The following USP25 variants were observed in gnomAD, a reference collection of about 807,000 sequenced individuals.
USP25 encodes the protein ubiquitin carboxyl-terminal hydrolase 25.
Under a neutral mutation model 158.5 loss-of-function variants are expected in USP25, and 85 were observed. The ratio of observed to expected loss-of-function variants is 0.54; its 90% CI spans 0.45 to 0.64. The LOEUF (loss-of-function observed/expected upper bound fraction) is 0.64, where lower values mean the gene tolerates loss of function less well. USP25 is among the 30% of genes least tolerant of loss of function. The pLI is 0.00. For synonymous variants in USP25, 464 were observed against 460.4 expected, an observed-to-expected ratio of 1.01 and a Z score of -0.10; for missense variants, 1,242 against 1,327.3, an observed-to-expected ratio of 0.94 and a Z score of 1.00.
At chr21:15,807,529 G>C (rs1446030855) in intron 7 of USP25, among the ~76,000 whole-genome samples, 1 of 152,154 alleles carries the variant, frequency 6.6e-6, no homozygotes, top group Non-Finnish European at 1.5e-5. Context: ...CAGAGTAAAG[G>C]TGTTGGCAGG....
chr21:15,798,684 GAATA>G (rs1350306290), intron 5 of USP25, among the ~76,000 whole-genome samples: 1 of 151,194 alleles, frequency 6.6e-6, no homozygotes, highest in African/African-American at 2.4e-5. Flanking sequence ...TTATATTGTT[GAATA>G]AATCTTTCTA....
In USP25 at chr21:15,879,923, G is replaced by A. The variant is rs1400913722; in HGVS notation, c.*1448G>A. ...TTGCATATTGTATCTATCAAAATATGTTTGGGTTTAGATTTTAAGTTGTCT... is the reference window on the plus strand; with the variant it reads ...TTGCATATTGTATCTATCAAAATATATTTGGGTTTAGATTTTAAGTTGTCT... On this transcript the variant is annotated 3_prime_UTR_variant, in exon 26 of 26. Coordinates refer to ENST00000400183, the MANE Select transcript of USP25 (RefSeq NM_001283041.3). 4 of 152,192 alleles carry A rather than the reference G, an allele frequency of 2.6e-5. No homozygotes were observed. The highest frequency in any genetic ancestry group is 7.2e-5 in the African/African-American group (3 of 41,444). The allele number at this position is 152,192 out of a possible 1,614,324, so 9.4% of individuals were successfully genotyped here. A position where few individuals can be genotyped will look rare whatever the true frequency, so the allele number is the denominator to read the frequency against.
intron 4 of USP25, among the ~76,000 whole-genome samples, chr21:15,785,824 CAAAT>C (rs2035238151): frequency 6.7e-6 from 1 of 148,926 alleles, no homozygotes; most frequent in Admixed American, 6.7e-5. Context: ...CAGAAGTAAA[CAAAT>C]AGAGACTAAA....
In USP25 at chr21:15,878,422, C is replaced by T. The variant is rs1568924040; in HGVS notation, c.3325C>T (p.Arg1109Ter). Reference protein sequence around the residue: ...PSYSTHELCERFARIMLSLSR... With the variant: ...PSYSTHELCE The stretch of plus-strand genomic sequence containing the variant: ...ATATTCCACGCATGAACTCTGTGAG[C>T]GATTTGCCCGAATCATGTTGTCCCT... The change falls in exon 26 of 26, where the codon CGA becomes TGA. Residue 1109 changes from arginine (R) to a stop codon, truncating the protein, a stop_gained. Transcript: ENST00000400183. LOFTEE classifies it high-confidence loss of function. The T allele has an allele frequency of 2.5e-6, 4 of 1,614,010 alleles. No individual in the cohort carries two copies. Among genetic ancestry groups the T allele is most frequent in the Admixed American group, 1.7e-5 (1 of 60,010 alleles).
At chr21:15,798,498 A>G (rs779787426) in intron 5 of USP25, among the ~76,000 whole-genome samples, 1 of 151,070 alleles carries the variant, frequency 6.6e-6, no homozygotes, top group African/African-American at 2.4e-5. Context: ...ATCTTGGCCA[A>G]CTGTTAATGT....
At chr21:15,800,062 G>A (rs1188148095) in intron 6 of USP25, among the ~76,000 whole-genome samples, 1 of 150,948 alleles carries the variant, frequency 6.6e-6, no homozygotes, top group East Asian at 1.9e-4. Context: ...CCAATTTTTG[G>A]TGTCGCTTTA....
At chr21:15,788,527 CTGAT>C (rs758894271) in intron 4 of USP25, among the ~76,000 whole-genome samples, 4 of 152,100 alleles carry the variant, frequency 2.6e-5, no homozygotes, top group Non-Finnish European at 2.9e-5. Context: ...TTTTCAGACA[CTGAT>C]TGGAGACACT....
chr21:15,740,641 G>A lies in USP25; in HGVS notation c.45+10203G>A, dbSNP rs1212030164. On this transcript the variant is annotated intron_variant, in intron 1 of 25. Coordinates refer to ENST00000400183, the MANE Select transcript of USP25 (RefSeq NM_001283041.3). ...GTAATCTTCCTGTTTCTTTCTGGCT[G>A]TTTTTTTTTTTTTTTTTTTTTTTTT... Among the ~76,000 whole-genome samples, 4 of 41,304 alleles carry A rather than the reference G, an allele frequency of 9.7e-5. No homozygotes were observed. In the East Asian group the frequency reaches 5.6e-3, roughly 58 times the overall value. The allele number at this position is 41,304 out of a possible 152,430, so 27.1% of individuals were successfully genotyped here.
At chr21:15,733,368 AT>A (rs1368454460) in intron 1 of USP25, among the ~76,000 whole-genome samples, 1 of 152,212 alleles carries the variant, frequency 6.6e-6, no homozygotes, top group East Asian at 1.9e-4. Context: ...GATGAATGAA[AT>A]AAGTGACTGG....
intron 23 of USP25, among the ~76,000 whole-genome samples, 183 bp downstream of exon 23, chr21:15,870,330 C>T (rs1049940075): frequency 6.6e-6 from 1 of 152,104 alleles, no homozygotes; most frequent in Non-Finnish European, 1.5e-5. Flanking sequence ...CCATATACCC[C>T]ACATAAAATA....
At position 15,730,354 on chromosome 21, in the gene USP25, G is replaced by GGGCGCCACCGCC. The variant is rs1225922251; in HGVS notation, c.-38_-27dup. ...AGGGCCGGCGGAGGCGCGAGGAGCC[G>GGGCGCCACCGCC]GGCGCCACCGCCGCCGCCGCCGCCG... On this transcript the variant is annotated 5_prime_UTR_variant, in exon 1 of 26. Transcript: ENST00000400183. 8.6e-7 allele frequency: 1 copy of GGGCGCCACCGCC among 1,167,302 alleles called. No homozygotes were observed. The highest frequency in any genetic ancestry group is 1.1e-6 in the Non-Finnish European group (1 of 948,760). The allele number at this position is 1,167,302 out of a possible 1,614,324, so 72.3% of individuals were successfully genotyped here.
intron 22 of USP25, among the ~76,000 whole-genome samples, chr21:15,866,997 G>C (rs1336788140): frequency 6.6e-6 from 1 of 152,094 alleles, no homozygotes; most frequent in African/African-American, 2.4e-5. Flanking sequence ...TTTTGGGGAA[G>C]TTAATTCATT....
intron 5 of USP25, among the ~76,000 whole-genome samples, chr21:15,797,177 G>A (rs2035902255): frequency 6.6e-6 from 1 of 151,320 alleles, no homozygotes; most frequent in Admixed American, 6.6e-5. Context: ...TGTATTTGTA[G>A]TTCCAGAGGG....
chr21:15,818,179 G>T (rs575642828), intron 9 of USP25, among the ~76,000 whole-genome samples: 9 of 152,240 alleles, frequency 5.9e-5, no homozygotes, highest in African/African-American at 2.2e-4. Flanking sequence ...TGCCATGGAG[G>T]TCTTCCCTGC....
chr21:15,771,761 G>T (rs2034369070), intron 3 of USP25, among the ~76,000 whole-genome samples: 2 of 150,594 alleles, frequency 1.3e-5, no homozygotes, highest in South Asian at 2.1e-4. Context: ...GTTTTTGTAT[G>T]TAGACTTTTC....
chr21:15,816,912 A>G lies in USP25; in HGVS notation c.932-1786A>G, dbSNP rs746939696. On this transcript the variant is annotated intron_variant, in intron 9 of 25. Transcript: ENST00000400183. This position sits in a 1 kb window ranked among gnomAD's most constrained non-coding sequence, Gnocchi z 4.0. ...TTTGGGAGGCTGAGGCAGGTGGATC[A>G]CTTGAGGTCAGGAGTTCGAGACCAG... 1.3e-5 allele frequency among the ~76,000 whole-genome samples: 2 copies of G among 152,108 alleles called. No individual in the cohort carries two copies. Among genetic ancestry groups the G allele is most frequent in the Admixed American group, 6.5e-5 (1 of 15,272 alleles).
intron 7 of USP25, among the ~76,000 whole-genome samples, chr21:15,807,428 A>G (rs115129399): frequency 0.011 from 1,616 of 152,332 alleles, 26 homozygotes; most frequent in African/African-American, 0.034. Context: ...AGGTGTTACA[A>G]TAGTTCCTAA....
At chr21:15,735,471 C>G (rs2031397538) in intron 1 of USP25, among the ~76,000 whole-genome samples, 1 of 152,136 alleles carries the variant, frequency 6.6e-6, no homozygotes, top group African/African-American at 2.4e-5. Flanking sequence ...AAGTTACATG[C>G]AAGTATTATA....
Position 15,878,406 on chromosome 21 carries a change from G to A in USP25, c.3309G>A (p.Thr1103=), listed in dbSNP as rs151062503. The stretch of plus-strand genomic sequence containing the variant: ...CACCGAAGTTACCTTCATATTCCAC[G>A]CATGAACTCTGTGAGCGATTTGCCC... The part of the protein sequence containing the change: ...HEPPKLPSYS[T]HELCERFARI... Residue 1103 remains threonine (T), a synonymous_variant, in exon 26 of 26, where the codon ACG becomes ACA. Coordinates refer to ENST00000400183, the MANE Select transcript of USP25 (RefSeq NM_001283041.3). 1.2e-5 allele frequency: 19 copies of A among 1,613,942 alleles called. No homozygotes were observed. The highest frequency in any genetic ancestry group is 1.7e-5 in the Admixed American group (1 of 60,000).
Sources: gnomAD v4.1 joint callset for allele counts (sites outside exome capture counted in the v4.1 genomes callset) on GRCh38, gnomAD v4.1.1 for gene constraint, Gnocchi (gnomAD v3.1) non-coding constraint, MANE v1.5 for transcripts, NCBI Gene and HGNC (gene_info 2026-07-23, HGNC 2026-07-21) for gene names.